The following SEH1L variants were observed in gnomAD, a reference collection of about 807,000 sequenced individuals.
SEH1L encodes nucleoporin SEH1.
SEH1L carries 18 observed loss-of-function variants against 49.5 expected under a neutral mutation model. The observed-to-expected ratio is 0.36, with a 90% CI of 0.25 to 0.54. The LOEUF is 0.54. Among genes scored for constraint, SEH1L ranks in the 20% least tolerant of loss-of-function variants. The pLI is 0.87. For missense variants in SEH1L, 404 were observed against 528.8 expected, an observed-to-expected ratio of 0.76 and a Z score of 2.31; for synonymous variants, 169 against 178.1, an observed-to-expected ratio of 0.95 and a Z score of 0.41.
intron 3 of SEH1L, among the ~76,000 whole-genome samples, chr18:12,959,739 T>C (rs2145619615): frequency 6.6e-6 from 1 of 152,356 alleles, no homozygotes; most frequent in East Asian, 1.9e-4. Flanking sequence ...TAAATTTTTT[T>C]CTTTTGTTTC....
intron 4 of SEH1L, among the ~76,000 whole-genome samples, chr18:12,969,378 A>G (rs918461477): frequency 1.3e-5 from 2 of 150,782 alleles, no homozygotes; most frequent in Admixed American, 6.6e-5. Context: ...ACATAGTGAG[A>G]CTCCAGTCTC....
chr18:12,955,944 C>A (rs1375360903), intron 3 of SEH1L, among the ~76,000 whole-genome samples: 1 of 151,764 alleles, frequency 6.6e-6, no homozygotes, highest in Non-Finnish European at 1.5e-5. Context: ...CTCCTGGCCC[C>A]ACCTCAGCCT....
At position 12,963,174 on chromosome 18, in the gene SEH1L, T is replaced by C. The variant is rs1361277222; in HGVS notation, c.324T>C (p.Thr108=). 1.2e-6 allele frequency: 2 copies of C among 1,611,932 alleles called. No individual in the cohort carries two copies. The highest frequency in any genetic ancestry group is 4.5e-5 in the East Asian group (2 of 44,862). ...RGQSHWVKRT[T]LVDSRTSVTD... ...TTTTTTTTTAGGTTAAAAGGACAAC[T>C]CTGGTGGATAGCAGAACATCTGTTA... The change falls in exon 4 of 9, where the codon ACT becomes ACC. Residue 108 remains threonine (T), a synonymous_variant. Coordinates refer to ENST00000399892, the MANE Select transcript of SEH1L (RefSeq NM_001013437.2).
intron 4 of SEH1L, among the ~76,000 whole-genome samples, chr18:12,965,647 G>A (rs564823633): frequency 3.3e-5 from 5 of 152,298 alleles, no homozygotes; most frequent in African/African-American, 7.2e-5. Flanking sequence ...ACGAGCTGTC[G>A]TCAGTCTGAT....
chr18:12,980,579 C>T (rs1239744657), intron 6 of SEH1L, among the ~76,000 whole-genome samples: 1 of 129,604 alleles, frequency 7.7e-6, no homozygotes, highest in Non-Finnish European at 1.7e-5. Flanking sequence ...GACCCCCCCA[C>T]CTCCCTCCCG....
At chr18:12,970,365 G>T (rs2031643307) in intron 4 of SEH1L, among the ~76,000 whole-genome samples, 1 of 152,196 alleles carries the variant, frequency 6.6e-6, no homozygotes, top group South Asian at 2.1e-4. Flanking sequence ...CGTGGGGATC[G>T]TGACTTCTGC....
chr18:12,983,927 G>C (rs2032368276), intron 7 of SEH1L, 113 bp from the exon 8 acceptor site: 3 of 663,260 alleles, frequency 4.5e-6, no homozygotes, highest in South Asian at 6.5e-5. Flanking sequence ...AAGAAATGTA[G>C]CTCATAGCCT....
intron 3 of SEH1L, among the ~76,000 whole-genome samples, chr18:12,957,143 C>G (rs1194754803): frequency 6.6e-6 from 1 of 151,912 alleles, no homozygotes; most frequent in Non-Finnish European, 1.5e-5. Flanking sequence ...ATATACTGTC[C>G]TCGGCCGGGT....
chr18:12,967,667 A>G (rs955088759), intron 4 of SEH1L, among the ~76,000 whole-genome samples: 5 of 152,206 alleles, frequency 3.3e-5, no homozygotes, highest in Middle Eastern at 3.2e-3. Context: ...TTATCCCAGC[A>G]CTTTGGGAGG....
In SEH1L at chr18:12,958,393, A is replaced by G. The variant is rs116807153; in HGVS notation, c.309+2784A>G. Among the ~76,000 whole-genome samples the G allele has an allele frequency of 5.8e-3, 879 of 152,124 alleles. 15 individuals carry two copies. The highest frequency in any genetic ancestry group is 0.02 in the African/African-American group (842 of 41,514). On this transcript the variant is annotated intron_variant, in intron 3 of 8. Coordinates refer to ENST00000399892, the MANE Select transcript of SEH1L (RefSeq NM_001013437.2). ...GAGCCACCATGCCTGGCCCATTTTA[A>G]CTATTTGTAAATGGTATAATTCAGT...
chr18:12,950,724 T>C (rs1458006889), intron 1 of SEH1L, among the ~76,000 whole-genome samples: 1 of 152,244 alleles, frequency 6.6e-6, no homozygotes, highest in African/African-American at 2.4e-5. Flanking sequence ...CCGCCAGTGA[T>C]AGTATTGATT....
intron 6 of SEH1L, among the ~76,000 whole-genome samples, chr18:12,981,831 C>T: frequency 7.1e-6 from 1 of 141,344 alleles, no homozygotes; most frequent in Admixed American, 7.1e-5. Flanking sequence ...TTCATTCTTT[C>T]CTACTTGCTG....
chr18:12,976,165 C>T (rs750531439), intron 5 of SEH1L: 3 of 152,324 alleles, frequency 2.0e-5, no homozygotes, highest in Non-Finnish European at 2.9e-5. Flanking sequence ...GACTCCACTT[C>T]GGAGCTCACC....
rs148189020 is a variant in SEH1L at position 12,949,899 on chromosome 18, C to T, written c.111+1667C>T. Among the ~76,000 whole-genome samples, 993 of 152,300 alleles carry T rather than the reference C, an allele frequency of 6.5e-3. 19 individuals are homozygous for T. The highest frequency in any genetic ancestry group is 0.022 in the African/African-American group (930 of 41,566). On this transcript the variant is annotated intron_variant, in intron 1 of 8. Coordinates refer to ENST00000399892, the MANE Select transcript of SEH1L (RefSeq NM_001013437.2). ...CCAAGAGCACCCTGTTCCGCCACCCCATCCTCTGGTAACCTCTATTCTACT... is the reference window on the plus strand; with the variant it reads ...CCAAGAGCACCCTGTTCCGCCACCCTATCCTCTGGTAACCTCTATTCTACT...
chr18:12,952,015 C>A, intron 2 of SEH1L, 110 bp downstream of exon 2: 2 of 556,434 alleles, frequency 3.6e-6, no homozygotes, highest in Admixed American at 3.4e-5. Flanking sequence ...AGTTCTTTTC[C>A]TGGGAAGACA....
chr18:12,948,262 C>G, intron 1 of SEH1L, 30 bp downstream of exon 1: 1 of 1,548,464 alleles, frequency 6.5e-7, no homozygotes, highest in Non-Finnish European at 8.9e-7. Flanking sequence ...GCGGGGCCGA[C>G]CCCGGAAGGA....
chr18:12,967,886 C>T (rs1007901429), intron 4 of SEH1L, among the ~76,000 whole-genome samples: 1 of 151,414 alleles, frequency 6.6e-6, no homozygotes, highest in Non-Finnish European at 1.5e-5. Flanking sequence ...TGCACTCCAG[C>T]CTGGGCAACA....
chr18:12,980,235 A>G (rs1475847474), intron 6 of SEH1L, among the ~76,000 whole-genome samples: 1 of 112,152 alleles, frequency 8.9e-6, no homozygotes, highest in East Asian at 3.6e-4. Flanking sequence ...TCCCTCCCGG[A>G]CGGGGCGGCT....
intron 5 of SEH1L, 52 bp from the exon 6 acceptor site, chr18:12,978,700 A>G: frequency 6.6e-7 from 1 of 1,512,992 alleles, no homozygotes; most frequent in South Asian, 1.1e-5. Context: ...TGATGTGTGG[A>G]TTTTTGCACA....
Sources: gnomAD v4.1 joint callset for allele counts (sites outside exome capture counted in the v4.1 genomes callset) on GRCh38, gnomAD v4.1.1 for gene constraint, MANE v1.5 for transcripts, NCBI Gene and HGNC (gene_info 2026-07-23, HGNC 2026-07-21) for gene names.